CABCOCO1: variants seen among roughly 807,000 people sequenced by gnomAD.
CABCOCO1 encodes the protein ciliary-associated calcium-binding coiled-coil protein 1.
CABCOCO1 carries 28 observed loss-of-function variants against 35.7 expected under a neutral mutation model. The observed-to-expected ratio is 0.78, with a 90% CI of 0.58 to 1.07. The LOEUF is 1.07. CABCOCO1 is among the 50% of genes least tolerant of loss of function. The pLI is 0.00. For missense variants in CABCOCO1, 326 were observed against 309.2 expected (o/e 1.05, Z -0.41); for synonymous variants, 95 against 100.1 (o/e 0.95, Z 0.30).
intron 5 of CABCOCO1, among the ~76,000 whole-genome samples, chr10:61,711,648 A>G (rs1296114411): frequency 2.0e-5 from 3 of 152,018 alleles, no homozygotes; most frequent in African/African-American, 7.2e-5. Flanking sequence ...TTATATAAGG[A>G]GAACAACAGA....
At chr10:61,721,113 A>G (rs1261429893) in intron 5 of CABCOCO1, among the ~76,000 whole-genome samples, 1 of 150,706 alleles carries the variant, frequency 6.6e-6, no homozygotes, top group African/African-American at 2.4e-5. Context: ...TTTAGTAGAG[A>G]CGGGGTTTCA....
intron 3 of CABCOCO1, among the ~76,000 whole-genome samples, chr10:61,684,479 A>C (rs971884766): frequency 6.6e-6 from 1 of 152,186 alleles, no homozygotes; most frequent in South Asian, 2.1e-4. Context: ...CTGGTCCAGC[A>C]ATCAGCCTGT....
At chr10:61,681,360 A>C (rs1353623753) in intron 3 of CABCOCO1, 48 bp downstream of exon 3, 1 of 1,368,350 alleles carries the variant, frequency 7.3e-7, no homozygotes, top group Non-Finnish European at 1.0e-6. Context: ...AATTTACCAT[A>C]TAAATTGAGG....
intron 5 of CABCOCO1, among the ~76,000 whole-genome samples, chr10:61,724,231 C>G (rs1285102802): frequency 6.6e-6 from 1 of 152,166 alleles, no homozygotes; most frequent in African/African-American, 2.4e-5. Context: ...CAAGCCCTTT[C>G]TTAATGTTTA....
rs780658531 is a variant in CABCOCO1, at chr10:61,760,978, C to T, written c.791C>T (p.Thr264Ile). ...GTAAAATCAGTGCTGGATCAAGTCA[C>T]AGATGACATTTTAATCGGCATTCAG... The part of the protein sequence containing the change: ...EDVKSVLDQV[T>I]DDILIGIQTE... The change falls in exon 7 of 8, where the codon ACA (threonine) becomes ATA (isoleucine). Residue 264 changes from threonine to isoleucine, a missense_variant. By Grantham distance (89) the Thr-to-Ile change is moderately conservative (BLOSUM62 -1). Coordinates refer to ENST00000648843, the MANE Select transcript of CABCOCO1 (RefSeq NM_001366906.2). The T allele has an allele frequency of 1.2e-6, 2 of 1,612,420 alleles. No homozygotes were observed. The highest frequency in any genetic ancestry group is 1.1e-5 in the South Asian group (1 of 90,974).
chr10:61,682,798 T>G (rs1839834861), intron 3 of CABCOCO1, among the ~76,000 whole-genome samples: 1 of 152,014 alleles, frequency 6.6e-6, no homozygotes. Context: ...CCCATCTTCT[T>G]GAATACGACA....
chr10:61,750,198 G>A (rs969780154), intron 5 of CABCOCO1, among the ~76,000 whole-genome samples: 1 of 152,176 alleles, frequency 6.6e-6, no homozygotes, highest in African/African-American at 2.4e-5. Context: ...GGAGCTAGGT[G>A]AGGGGTATGG....
chr10:61,708,526 T>C (rs572980917), intron 5 of CABCOCO1, among the ~76,000 whole-genome samples: 1 of 152,212 alleles, frequency 6.6e-6, no homozygotes, highest in African/African-American at 2.4e-5. Flanking sequence ...ACCAGCAGAT[T>C]TCTAGTGTCT....
chr10:61,714,117 T>G (rs1381962228), intron 5 of CABCOCO1, among the ~76,000 whole-genome samples: 1 of 152,206 alleles, frequency 6.6e-6, no homozygotes, highest in African/African-American at 2.4e-5. Flanking sequence ...TTGGTAGAAT[T>G]TGGCTGTGAA....
chr10:61,686,791 T>G (rs1839979978), intron 4 of CABCOCO1, among the ~76,000 whole-genome samples: 1 of 152,210 alleles, frequency 6.6e-6, no homozygotes, highest in Non-Finnish European at 1.5e-5. Context: ...AGTATTTTTA[T>G]TACAGTGATT....
At chr10:61,686,753 C>G (rs1013836107) in intron 4 of CABCOCO1, among the ~76,000 whole-genome samples, 2 of 152,126 alleles carry the variant, frequency 1.3e-5, no homozygotes, top group Non-Finnish European at 2.9e-5. Context: ...TTTCTTACTA[C>G]TTAGAAAATA....
intron 5 of CABCOCO1, among the ~76,000 whole-genome samples, chr10:61,758,802 A>C (rs1841950237): frequency 6.6e-6 from 1 of 152,072 alleles, no homozygotes; most frequent in Non-Finnish European, 1.5e-5. Context: ...CTAAGCAACA[A>C]CTTTGTATAA....
intron 5 of CABCOCO1, among the ~76,000 whole-genome samples, chr10:61,724,441 C>A (rs1841095287): frequency 6.6e-6 from 1 of 152,136 alleles, no homozygotes; most frequent in Non-Finnish European, 1.5e-5. Context: ...CATTGTAGCA[C>A]AATAAAGAGT....
intron 5 of CABCOCO1, among the ~76,000 whole-genome samples, chr10:61,714,295 C>T (rs928582518): frequency 5.3e-5 from 8 of 152,118 alleles, no homozygotes; most frequent in South Asian, 2.1e-4. Flanking sequence ...AGTTTATTTG[C>T]GTAGAGGTGT....
At chr10:61,748,679 T>TA (rs1231376912) in intron 5 of CABCOCO1, among the ~76,000 whole-genome samples, 1 of 152,210 alleles carries the variant, frequency 6.6e-6, no homozygotes, top group Admixed American at 6.5e-5. Context: ...TTTTTGGTGT[T>TA]AGAGTTTTAA....
At chr10:61,742,484 T>C (rs1335435249) in intron 5 of CABCOCO1, among the ~76,000 whole-genome samples, 2 of 152,072 alleles carry the variant, frequency 1.3e-5, no homozygotes, top group Non-Finnish European at 2.9e-5. Context: ...AAAAGGCAAG[T>C]GGATAAGAGC....
chr10:61,748,130 T>C (rs772949160), intron 5 of CABCOCO1, among the ~76,000 whole-genome samples: 11 of 151,442 alleles, frequency 7.3e-5, no homozygotes, highest in South Asian at 2.1e-4. Context: ...ATAGGTTGTA[T>C]TGGGGAGGTG....
chr10:61,697,789 TAGAC>T (rs1256819644), intron 5 of CABCOCO1, among the ~76,000 whole-genome samples: 3 of 152,100 alleles, frequency 2.0e-5, no homozygotes, highest in African/African-American at 7.2e-5. Context: ...AACATATTGA[TAGAC>T]AGAGTGACTT....
intron 2 of CABCOCO1, among the ~76,000 whole-genome samples, chr10:61,676,514 A>G (rs189321434): frequency 6.6e-6 from 1 of 152,324 alleles, no homozygotes; most frequent in Admixed American, 6.5e-5. Context: ...CCCTATTTAT[A>G]GTAATGCTAT....
Sources: allele counts gnomAD v4.1 joint callset (sites outside exome capture counted in the v4.1 genomes callset), GRCh38; gene constraint gnomAD v4.1.1; transcripts MANE v1.5; gene names NCBI Gene and HGNC (gene_info 2026-07-23, HGNC 2026-07-21).